ADAM10: variants seen among roughly 807,000 people sequenced by gnomAD.
ADAM10 encodes ADAM metallopeptidase domain 10.
ADAM10 carries 17 observed loss-of-function variants against 90.1 expected under a neutral mutation model. The ratio of observed to expected loss-of-function variants is 0.19; its 90% CI spans 0.13 to 0.28. ADAM10 has a LOEUF of 0.28. ADAM10 is among the 10% of genes least tolerant of loss of function. The pLI is 1.00. For synonymous variants in ADAM10, 310 were observed against 298.6 expected (o/e 1.04, Z -0.40); for missense variants, 610 against 914.3 (o/e 0.67, Z 4.29).
rs1046871328 is a variant in ADAM10, at chr15:58,594,881, T to C, written c.*2666A>G. On this transcript the variant is annotated 3_prime_UTR_variant, in exon 16 of 16. Coordinates refer to ENST00000260408, the MANE Select transcript of ADAM10 (RefSeq NM_001110.4). ...TACATATTTACTCATTTAACAAGTATTACTTATAGCTAACCTTGACTAAAA... is the reference window on the plus strand; with the variant it reads ...TACATATTTACTCATTTAACAAGTACTACTTATAGCTAACCTTGACTAAAA... 2 of 152,190 alleles carry C rather than the reference T, an allele frequency of 1.3e-5. No individual in the cohort carries two copies. The highest frequency in any genetic ancestry group is 6.5e-5 in the Admixed American group (1 of 15,282). The allele number at this position is 152,190 out of a possible 1,614,324, so 9.4% of individuals were successfully genotyped here. A position where few individuals can be genotyped will look rare whatever the true frequency, so the allele number is the denominator to read the frequency against.
intron 15 of ADAM10, among the ~76,000 whole-genome samples, chr15:58,598,147 G>A (rs937168693): frequency 1.3e-5 from 2 of 152,156 alleles, no homozygotes; most frequent in Admixed American, 6.5e-5. Flanking sequence ...GATAATTAAC[G>A]TATATAGCCT....
At position 58,597,415 on chromosome 15, in the gene ADAM10, T is replaced by C. The variant is rs1325526973; in HGVS notation, c.*132A>G. On this transcript the variant is annotated 3_prime_UTR_variant, in exon 16 of 16. Transcript: ENST00000260408. ...AGTAATTCCACCTGGTCTGAGGATA[T>C]GATCTCTTGCCATTTTTTCTTCAAC... 17 of 1,559,002 alleles carry C rather than the reference T, an allele frequency of 1.1e-5. No individual in the cohort carries two copies. Among genetic ancestry groups the C allele is most frequent in the Non-Finnish European group, 1.4e-5 (16 of 1,150,360 alleles).
chr15:58,686,067 G>A lies in ADAM10; in HGVS notation c.207-3753C>T, dbSNP rs150393595. Among the ~76,000 whole-genome samples the A allele has an allele frequency of 3.5e-4, 53 of 152,220 alleles. 1 individual carries two copies. The highest frequency in any genetic ancestry group is 1.0e-3 in the African/African-American group (42 of 41,550). On this transcript the variant is annotated intron_variant, in intron 2 of 15. Transcript: ENST00000260408. ...GGACTATGATTTAAGAAAAAAGGAA[G>A]GTGCAACAATGAGAAAGAACTCCAG... is the stretch of plus-strand genomic sequence containing the variant.
At chr15:58,745,873 C>T (rs566883101) in intron 1 of ADAM10, among the ~76,000 whole-genome samples, 50 of 152,280 alleles carry the variant, frequency 3.3e-4, no homozygotes, top group Admixed American at 7.2e-4. Context: ...GAATACAGCC[C>T]ACTAGTATCT....
At chr15:58,698,856 A>T (rs1898052431) in intron 2 of ADAM10, among the ~76,000 whole-genome samples, 1 of 152,188 alleles carries the variant, frequency 6.6e-6, no homozygotes, top group African/African-American at 2.4e-5. Flanking sequence ...AGAAAAAACA[A>T]AAGGGATAAA....
chr15:58,722,967 A>G (rs1898907547), intron 1 of ADAM10, among the ~76,000 whole-genome samples: 1 of 151,936 alleles, frequency 6.6e-6, no homozygotes, highest in Non-Finnish European at 1.5e-5. Context: ...CCTGGGCTCA[A>G]GCGATCCTCC....
At chr15:58,629,574 C>T (rs550282229) in intron 9 of ADAM10, 3 of 152,074 alleles carry the variant, frequency 2.0e-5, no homozygotes, top group Non-Finnish European at 4.4e-5. Context: ...CACTAAGAAA[C>T]TATAATCTTT....
At chr15:58,694,425 T>G (rs1285153365) in intron 2 of ADAM10, among the ~76,000 whole-genome samples, 6 of 152,036 alleles carry the variant, frequency 3.9e-5, no homozygotes, top group African/African-American at 1.4e-4. Context: ...CACTCCAGCC[T>G]GGGAAACAGA....
intron 8 of ADAM10, among the ~76,000 whole-genome samples, chr15:58,639,482 T>C (rs1301764800): frequency 1.3e-5 from 2 of 152,168 alleles, no homozygotes; most frequent in African/African-American, 4.8e-5. Flanking sequence ...ATCCAACCAT[T>C]GAAGGGGCAA....
intron 6 of ADAM10, among the ~76,000 whole-genome samples, chr15:58,645,337 A>C (rs1190569196): frequency 1.3e-5 from 2 of 152,046 alleles, no homozygotes. Context: ...CTCTTCCTCA[A>C]CCTATTCACC....
intron 5 of ADAM10, among the ~76,000 whole-genome samples, chr15:58,664,786 G>A (rs1897042096): frequency 6.6e-6 from 1 of 151,984 alleles, no homozygotes; most frequent in African/African-American, 2.4e-5. Flanking sequence ...AAGGCAAGTG[G>A]TCACTCTAAT....
intron 4 of ADAM10, 148 bp downstream of exon 4, chr15:58,678,976 C>T (rs1221098953): frequency 3.9e-6 from 3 of 764,468 alleles, no homozygotes; most frequent in Non-Finnish European, 6.3e-6. Flanking sequence ...ATCTACTATT[C>T]CTTAAATAGC....
intron 1 of ADAM10, among the ~76,000 whole-genome samples, chr15:58,735,994 T>C (rs940580617): frequency 1.1e-4 from 17 of 152,178 alleles, no homozygotes; most frequent in African/African-American, 3.9e-4. Context: ...CAATAAAATG[T>C]TACTAATCTG....
intron 11 of ADAM10, among the ~76,000 whole-genome samples, chr15:58,617,517 C>A (rs1019206590): frequency 1.2e-4 from 19 of 152,154 alleles, no homozygotes; most frequent in African/African-American, 4.6e-4. Flanking sequence ...AGAATGTCCA[C>A]TCTCACCACT....
intron 2 of ADAM10, among the ~76,000 whole-genome samples, chr15:58,713,858 G>A (rs1898557487): frequency 6.6e-6 from 1 of 151,478 alleles, no homozygotes; most frequent in Non-Finnish European, 1.5e-5. Context: ...CTGTCGCCAG[G>A]CTGGACTGCA....
intron 4 of ADAM10, chr15:58,676,020 T>C (rs532738811): frequency 5.2e-6 from 1 of 191,002 alleles, no homozygotes; most frequent in African/African-American, 2.4e-5. Flanking sequence ...ATAAAAATAA[T>C]AATACACATT....
intron 15 of ADAM10, among the ~76,000 whole-genome samples, chr15:58,598,273 C>A (rs1300479339): frequency 6.6e-6 from 1 of 152,170 alleles, no homozygotes; most frequent in Non-Finnish European, 1.5e-5. Context: ...ATGAAACCAA[C>A]ATACACATAA....
intron 7 of ADAM10, among the ~76,000 whole-genome samples, chr15:58,643,157 G>GA (rs539040479): frequency 3.4e-4 from 51 of 151,612 alleles, no homozygotes; most frequent in Non-Finnish European, 5.3e-4. Context: ...GAAATCTTTT[G>GA]AAAAAATAGC....
intron 4 of ADAM10, among the ~76,000 whole-genome samples, chr15:58,670,427 G>A (rs371894472): frequency 8.6e-5 from 13 of 152,044 alleles, no homozygotes; most frequent in African/African-American, 3.1e-4. Flanking sequence ...ATTGAGGGGA[G>A]AAAATATGTG....
Sources: allele counts gnomAD v4.1 joint callset (sites outside exome capture counted in the v4.1 genomes callset), GRCh38; gene constraint gnomAD v4.1.1; transcripts MANE v1.5; gene names NCBI Gene and HGNC (gene_info 2026-07-23, HGNC 2026-07-21).